The following GPC6 variants were observed in gnomAD, a reference collection of about 807,000 sequenced individuals.
GPC6 encodes the protein glypican-6.
A neutral mutation model predicts 55.2 loss-of-function variants in GPC6; 14 were observed. The ratio of observed to expected loss-of-function variants is 0.25; its 90% CI spans 0.17 to 0.40. GPC6 has a LOEUF of 0.40. Ranked by LOEUF, GPC6 falls within the 10% of genes least tolerant of loss-of-function variation. GPC6 has a pLI of 1.00. For missense variants in GPC6, 641 were observed against 708.5 expected, an observed-to-expected ratio of 0.90 and a Z score of 1.08; for synonymous variants, 278 against 259.6, an observed-to-expected ratio of 1.07 and a Z score of -0.68.
intron 2 of GPC6, among the ~76,000 whole-genome samples, chr13:93,643,642 A>G (rs1880053533): frequency 6.6e-6 from 1 of 152,098 alleles, no homozygotes; most frequent in South Asian, 2.1e-4. Flanking sequence ...TGGTAAGGGG[A>G]AAGCATTTTT....
intron 6 of GPC6, among the ~76,000 whole-genome samples, chr13:94,341,585 C>CAAA (rs34492618): frequency 2.5e-5 from 2 of 79,602 alleles, no homozygotes. Context: ...AACTCCGTCT[C>CAAA]AAAAAAAAAA....
Position 93,812,148 on chromosome 13 carries a change from G to C in GPC6, c.320-18006G>C, listed in dbSNP as rs1453338229. On this transcript the variant is annotated intron_variant, in intron 2 of 8. Transcript: ENST00000377047. Reference sequence around the variant, plus strand: ...CTTTGGGAGTGCAAGGCGGTGGGGGGGGGGGCGGGGGGTGGGTGGATCACG... The same window carrying C: ...CTTTGGGAGTGCAAGGCGGTGGGGGCGGGGGCGGGGGGTGGGTGGATCACG... 7.1e-5 allele frequency among the ~76,000 whole-genome samples: 10 copies of C among 141,124 alleles called. No homozygotes were observed. The South Asian group carries it at 1.3e-3, about 18-fold the overall frequency. The allele number at this position is 141,124 out of a possible 152,430, so 92.6% of individuals were successfully genotyped here.
intron 4 of GPC6, among the ~76,000 whole-genome samples, chr13:94,258,549 C>T (rs763311969): frequency 6.6e-6 from 1 of 152,186 alleles, no homozygotes; most frequent in Non-Finnish European, 1.5e-5. Flanking sequence ...GTTGCTCCCA[C>T]AAAGGTTTTC....
chr13:93,696,377 T>C (rs897707557), intron 2 of GPC6, among the ~76,000 whole-genome samples: 1 of 152,144 alleles, frequency 6.6e-6, no homozygotes, highest in African/African-American at 2.4e-5. Flanking sequence ...ATCCACATAC[T>C]AAATAAAGAT....
At chr13:94,029,223 G>T (rs377340880) in intron 4 of GPC6, among the ~76,000 whole-genome samples, 21 of 152,302 alleles carry the variant, frequency 1.4e-4, no homozygotes, top group African/African-American at 4.6e-4. Context: ...GCTTAGAAAG[G>T]CCAGAGGAAA....
intron 2 of GPC6, among the ~76,000 whole-genome samples, chr13:93,761,988 A>C (rs1214543536): frequency 6.6e-6 from 1 of 152,166 alleles, no homozygotes; most frequent in Non-Finnish European, 1.5e-5. Context: ...AAAACTTCGT[A>C]CATTTTCACC....
chr13:94,243,540 G>A (rs983958895), intron 4 of GPC6, among the ~76,000 whole-genome samples: 1 of 152,090 alleles, frequency 6.6e-6, no homozygotes, highest in African/African-American at 2.4e-5. Context: ...GCAGGACTGG[G>A]AACATCAAAA....
chr13:94,395,551 A>C (rs929249359), intron 7 of GPC6, among the ~76,000 whole-genome samples: 10 of 152,194 alleles, frequency 6.6e-5, no homozygotes, highest in African/African-American at 2.4e-4. Flanking sequence ...TCAAGCATAG[A>C]TTCAATACCT....
intron 3 of GPC6, among the ~76,000 whole-genome samples, chr13:93,869,165 G>A (rs2139035557): frequency 6.6e-6 from 1 of 151,914 alleles, no homozygotes; most frequent in Non-Finnish European, 1.5e-5. Flanking sequence ...CCCACGGTTG[G>A]AAAATGTTTC....
chr13:93,713,816 C>T lies in GPC6; in HGVS notation c.320-116338C>T, dbSNP rs569312138. ...AACACTTATTCTACATATTTGGTAACGAAGGTGGTATCTCAGGCTAGCAGC... is the reference window on the plus strand; with the variant it reads ...AACACTTATTCTACATATTTGGTAATGAAGGTGGTATCTCAGGCTAGCAGC... On this transcript the variant is annotated intron_variant, in intron 2 of 8. Transcript: ENST00000377047. 6.6e-5 allele frequency among the ~76,000 whole-genome samples: 10 copies of T among 151,722 alleles called. No individual in the cohort carries two copies. In the South Asian group the frequency reaches 1.7e-3, roughly 25 times the overall value.
intron 3 of GPC6, among the ~76,000 whole-genome samples, chr13:93,856,659 A>G (rs1409818234): frequency 6.6e-6 from 1 of 151,680 alleles, no homozygotes; most frequent in Non-Finnish European, 1.5e-5. Flanking sequence ...AAAGATACAG[A>G]TATTTTCAAG....
At chr13:94,177,618 G>A (rs1199506111) in intron 4 of GPC6, among the ~76,000 whole-genome samples, 4 of 152,128 alleles carry the variant, frequency 2.6e-5, no homozygotes, top group Non-Finnish European at 5.9e-5. Context: ...GCATGGTGAT[G>A]CCTGATAAAG....
At chr13:93,738,151 A>G (rs556739343) in intron 2 of GPC6, among the ~76,000 whole-genome samples, 5 of 152,342 alleles carry the variant, frequency 3.3e-5, no homozygotes, top group African/African-American at 9.6e-5. Flanking sequence ...GCTTCATGTA[A>G]TATGGCTAAT....
chr13:93,318,652 C>T (rs1281862426), intron 1 of GPC6, among the ~76,000 whole-genome samples: 2 of 151,920 alleles, frequency 1.3e-5, no homozygotes, highest in African/African-American at 4.8e-5. Context: ...GTTTCTAGAG[C>T]AGAAGAAGTT....
intron 1 of GPC6, among the ~76,000 whole-genome samples, chr13:93,494,932 C>T (rs1880197784): frequency 6.8e-6 from 1 of 146,642 alleles, no homozygotes; most frequent in South Asian, 2.3e-4. Flanking sequence ...GGTAACCCGA[C>T]CTTTCTCTCT....
At chr13:94,346,652 C>T (rs1878304354) in intron 6 of GPC6, among the ~76,000 whole-genome samples, 1 of 147,842 alleles carries the variant, frequency 6.8e-6, no homozygotes, top group Admixed American at 6.9e-5. Flanking sequence ...ACCTGGGAGG[C>T]GGAGGTTGCA....
chr13:93,582,007 C>A (rs139872498), intron 2 of GPC6, among the ~76,000 whole-genome samples: 1 of 152,100 alleles, frequency 6.6e-6, no homozygotes, highest in Non-Finnish European at 1.5e-5. Flanking sequence ...AAAGAAGTTC[C>A]TCTGGGTATG....
chr13:93,402,015 T>C (rs1876108686), intron 1 of GPC6, among the ~76,000 whole-genome samples: 1 of 152,174 alleles, frequency 6.6e-6, no homozygotes, highest in Non-Finnish European at 1.5e-5. Flanking sequence ...TCTCCCTTAA[T>C]TGGACAAGAG....
intron 4 of GPC6, among the ~76,000 whole-genome samples, chr13:94,085,321 C>CAAAAAAAAAAAAAAAAAAA (rs33967804): frequency 1.1e-5 from 1 of 87,050 alleles, no homozygotes; most frequent in Non-Finnish European, 2.2e-5. Context: ...GATTCTGTCT[C>CAAAAAAAAAAAAAAAAAAA]AAAAAAAAAA....
Sources: allele counts gnomAD v4.1 joint callset (sites outside exome capture counted in the v4.1 genomes callset), GRCh38; gene constraint gnomAD v4.1.1; transcripts MANE v1.5; gene names NCBI Gene and HGNC (gene_info 2026-07-23, HGNC 2026-07-21).